CAMK2B: variants seen among roughly 807,000 people sequenced by gnomAD.
The protein encoded by CAMK2B is calcium/calmodulin dependent protein kinase II beta.
A neutral mutation model predicts 93.7 loss-of-function variants in CAMK2B; 27 were observed. That is an observed-to-expected ratio of 0.29 (90% confidence interval 0.21 to 0.40). The LOEUF is 0.40. CAMK2B is among the 10% of genes least tolerant of loss of function. The pLI is 1.00. For missense variants in CAMK2B, 568 were observed against 895.8 expected (o/e 0.63, Z 4.67); for synonymous variants, 374 against 358.8 (o/e 1.04, Z -0.48).
At chr7:44,323,787 C>G (rs1483606116) in intron 1 of CAMK2B, 4 of 155,410 alleles carry the variant, frequency 2.6e-5, no homozygotes, top group African/African-American at 9.6e-5. Flanking sequence ...CCTCAGAGAA[C>G]CAGGCACATT....
At chr7:44,261,719 C>A (rs2096880626) in intron 3 of CAMK2B, among the ~76,000 whole-genome samples, 1 of 152,180 alleles carries the variant, frequency 6.6e-6, no homozygotes, top group Non-Finnish European at 1.5e-5. Context: ...ACCTAACTGG[C>A]ACATCAGACG....
intron 4 of CAMK2B, among the ~76,000 whole-genome samples, chr7:44,255,735 G>A (rs559840649): frequency 2.8e-3 from 432 of 152,334 alleles, no homozygotes; most frequent in African/African-American, 9.9e-3. Flanking sequence ...TGGCAGGGAA[G>A]ACCCAGGGAG....
rs190603975 is a variant in CAMK2B, at chr7:44,283,907, C to T, written c.160+224G>A. Among the ~76,000 whole-genome samples, 393 of 152,356 alleles carry T rather than the reference C, an allele frequency of 2.6e-3. 1 individual carries two copies. Among genetic ancestry groups the T allele is most frequent in the African/African-American group, 9.0e-3 (374 of 41,592 alleles). ...CTTGGCACCCCCACCAGCCTGGGCC[C>T]CACCAGGCCAGAGGTGCCCTCAAGT... On this transcript the variant is annotated intron_variant, in intron 2 of 23. Coordinates refer to ENST00000395749, the MANE Select transcript of CAMK2B (RefSeq NM_001220.5).
intron 1 of CAMK2B, among the ~76,000 whole-genome samples, chr7:44,297,689 C>T (rs554465696): frequency 6.6e-6 from 1 of 152,048 alleles, no homozygotes; most frequent in Non-Finnish European, 1.5e-5. Flanking sequence ...AAATCCCTAT[C>T]AAAATTCCAA....
intron 3 of CAMK2B, among the ~76,000 whole-genome samples, chr7:44,260,836 C>T (rs2096873463): frequency 6.6e-6 from 1 of 152,168 alleles, no homozygotes; most frequent in East Asian, 1.9e-4. Flanking sequence ...GCCTTCTCCT[C>T]TCTGCCCCCA....
At position 44,243,581 on chromosome 7, in the gene CAMK2B, A is replaced by G. The variant is rs2096702651; in HGVS notation, c.415-54T>C. 3.0e-5 allele frequency: 43 copies of G among 1,453,336 alleles called. No homozygotes were observed. The South Asian group carries it at 4.9e-4, about 17-fold the overall frequency. 90.0% of individuals were successfully genotyped at this position (1,453,336 alleles called of 1,614,324 possible). A position where few individuals can be genotyped will look rare whatever the true frequency, so the allele number is the denominator to read the frequency against. On this transcript the variant is annotated intron_variant, in intron 6 of 23. Transcript: ENST00000395749. ...CATGTTGTTTAAACCCAGAGGTGTT[A>G]TGTGGGGTTGGGTGGGGGGTTACAA...
chr7:44,322,147 C>T (rs1314521907), intron 1 of CAMK2B, among the ~76,000 whole-genome samples: 1 of 152,194 alleles, frequency 6.6e-6, no homozygotes, highest in East Asian at 1.9e-4. Context: ...CAGGTCGCCA[C>T]GCAGCAGCCT....
At chr7:44,258,238 C>T (rs1373342686) in intron 4 of CAMK2B, among the ~76,000 whole-genome samples, 2 of 152,220 alleles carry the variant, frequency 1.3e-5, no homozygotes. Flanking sequence ...CAAACACACA[C>T]ATACACATGC....
In CAMK2B at chr7:44,273,776, A is replaced by C. The variant is rs985897184; in HGVS notation, c.160+10355T>G. Among the ~76,000 whole-genome samples, 68 of 152,214 alleles carry C rather than the reference A, an allele frequency of 4.5e-4. 1 individual carries two copies. Among genetic ancestry groups the C allele is most frequent in the African/African-American group, 1.5e-3 (64 of 41,530 alleles). ...ATGTCCAGCCTCATCCTCTGCCCCCAACTCTGTCCATGTCCTTTTTGTCCT... is the reference window on the plus strand; with the variant it reads ...ATGTCCAGCCTCATCCTCTGCCCCCCACTCTGTCCATGTCCTTTTTGTCCT... On this transcript the variant is annotated intron_variant, in intron 2 of 23. Transcript: ENST00000395749.
chr7:44,245,043 G>T (rs889321259), intron 6 of CAMK2B: 6 of 449,754 alleles, frequency 1.3e-5, no homozygotes, highest in Non-Finnish European at 2.7e-5. Context: ...ACAGAGGAGG[G>T]GTCAGGGGCT....
At chr7:44,220,332 A>C in intron 22 of CAMK2B, 38 bp from the exon 23 acceptor site, 1 of 1,500,998 alleles carries the variant, frequency 6.7e-7, no homozygotes, top group South Asian at 1.2e-5. Context: ...TCGGGTTACC[A>C]TGACTGCCCT....
rs181692270 is a variant in CAMK2B at position 44,289,797 on chromosome 7, C to T, written c.66-5572G>A. Among the ~76,000 whole-genome samples, 941 of 152,338 alleles carry T rather than the reference C, an allele frequency of 6.2e-3. 16 individuals carry two copies. Among genetic ancestry groups the T allele is most frequent in the Non-Finnish European group, 5.8e-3 (396 of 68,026 alleles). Reference sequence around the variant, plus strand: ...GATCCCCATGACAGGCTGCTGAGCTCCCGCAGGGCAGCGCTGGGCCACGCA... The same window carrying T: ...GATCCCCATGACAGGCTGCTGAGCTTCCGCAGGGCAGCGCTGGGCCACGCA... On this transcript the variant is annotated intron_variant, in intron 1 of 23. Transcript: ENST00000395749.
At position 44,248,007 on chromosome 7, in the gene CAMK2B, T is replaced by A. The variant is rs938156577; in HGVS notation, c.342-815A>T. Among the ~76,000 whole-genome samples, 1 of 152,082 alleles carries A rather than the reference T, an allele frequency of 6.6e-6. No individual in the cohort carries two copies. The highest frequency in any genetic ancestry group is 1.5e-5 in the Non-Finnish European group (1 of 68,002). On this transcript the variant is annotated intron_variant, in intron 5 of 23. Transcript: ENST00000395749. This position sits in a 1 kb window ranked among gnomAD's most constrained non-coding sequence, Gnocchi z 4.1. ...TGGCACCACTGCACTCCAGCCTGGG[T>A]GACAGAGGGAGAGTCCATCTCAAAA...
At chr7:44,261,533 G>A (rs554439180) in intron 3 of CAMK2B, among the ~76,000 whole-genome samples, 1 of 152,338 alleles carries the variant, frequency 6.6e-6, no homozygotes, top group East Asian at 1.9e-4. Context: ...TGGGCTCCGG[G>A]GTGGCAGCTG....
At chr7:44,314,066 T>C (rs1794237302) in intron 1 of CAMK2B, among the ~76,000 whole-genome samples, 1 of 152,126 alleles carries the variant, frequency 6.6e-6, no homozygotes, top group Admixed American at 6.5e-5. Context: ...AACGTCGAGA[T>C]CCAGATGTGA....
chr7:44,321,895 G>A (rs1796168590), intron 1 of CAMK2B, among the ~76,000 whole-genome samples: 1 of 152,258 alleles, frequency 6.6e-6, no homozygotes, highest in Admixed American at 6.5e-5. Flanking sequence ...CCCCAACGCT[G>A]CTGTGTGAGT....
At chr7:44,242,075 A>G in intron 10 of CAMK2B, 143 bp downstream of exon 10, 2 of 949,888 alleles carry the variant, frequency 2.1e-6, no homozygotes, top group South Asian at 3.4e-5. Flanking sequence ...CCCAAGCCAG[A>G]GGCCACAAGG....
intron 5 of CAMK2B, 54 bp downstream of exon 5, chr7:44,254,488 A>C: frequency 6.2e-6 from 8 of 1,291,834 alleles, no homozygotes; most frequent in Non-Finnish European, 9.0e-6. Flanking sequence ...TGAAGGAGGG[A>C]TGGTGAGGGT....
chr7:44,252,032 C>T (rs1036872763), intron 5 of CAMK2B, among the ~76,000 whole-genome samples: 26 of 152,278 alleles, frequency 1.7e-4, no homozygotes, highest in African/African-American at 5.3e-4. Flanking sequence ...GGGCCCGCCA[C>T]GGGGAGGGGC....
Sources: gnomAD v4.1 joint callset for allele counts (sites outside exome capture counted in the v4.1 genomes callset) on GRCh38, gnomAD v4.1.1 for gene constraint, Gnocchi (gnomAD v3.1) non-coding constraint, MANE v1.5 for transcripts, NCBI Gene and HGNC (gene_info 2026-07-23, HGNC 2026-07-21) for gene names.